Variants in TFPI observed in about 807,000 individuals in gnomAD.
The protein encoded by TFPI is anti-convertin.
A neutral mutation model predicts 34.6 loss-of-function variants in TFPI; 15 were observed. That is an observed-to-expected ratio of 0.43 (90% CI 0.29 to 0.67). The LOEUF is 0.67. Ranked by LOEUF, TFPI falls within the 30% of genes least tolerant of loss-of-function variation. TFPI has a pLI of 0.15. For synonymous variants in TFPI, 105 were observed against 120.1 expected (o/e 0.87, Z 0.82); for missense variants, 301 against 364.0 (o/e 0.83, Z 1.41).
chr2:187,538,401 A>T (rs1478321603), intron 1 of TFPI, among the ~76,000 whole-genome samples: 1 of 152,244 alleles, frequency 6.6e-6, no homozygotes, highest in African/African-American at 2.4e-5. Flanking sequence ...AATACTATAC[A>T]GCCATAAAAA....
chr2:187,552,191 T>TACCTTAAA, intron 1 of TFPI, among the ~76,000 whole-genome samples: 1 of 152,082 alleles, frequency 6.6e-6, no homozygotes, highest in South Asian at 2.1e-4. Context: ...AGTTGAAAGA[T>TACCTTAAA]ACCTTAAAAT....
intron 4 of TFPI, 59 bp from the exon 5 acceptor site, chr2:187,485,046 T>G: frequency 8.0e-7 from 1 of 1,243,586 alleles, no homozygotes; most frequent in Non-Finnish European, 1.0e-6. Context: ...ATTACTGATT[T>G]TAATAAAATT....
chr2:187,538,606 G>A (rs929685137), intron 1 of TFPI, among the ~76,000 whole-genome samples: 13 of 152,142 alleles, frequency 8.5e-5, no homozygotes, highest in Non-Finnish European at 1.0e-4. Context: ...GACTAGGGGA[G>A]GGATAGCATT....
At chr2:187,512,360 G>GA (rs1287949524) in intron 1 of TFPI, among the ~76,000 whole-genome samples, 3 of 146,592 alleles carry the variant, frequency 2.0e-5, no homozygotes, top group Admixed American at 6.8e-5. Flanking sequence ...AGAAAAAAAA[G>GA]AAAAAAGATG....
intron 3 of TFPI, among the ~76,000 whole-genome samples, chr2:187,494,821 TA>T (rs1461688446): frequency 2.0e-5 from 3 of 152,116 alleles, no homozygotes; most frequent in Non-Finnish European, 4.4e-5. Context: ...CTCCTGGTTT[TA>T]AGCAATTCTC....
At chr2:187,530,821 A>C (rs1280328415) in intron 1 of TFPI, among the ~76,000 whole-genome samples, 1 of 152,202 alleles carries the variant, frequency 6.6e-6, no homozygotes, top group Non-Finnish European at 1.5e-5. Flanking sequence ...AAATTCGGTA[A>C]AAATTGTTTT....
chr2:187,479,214 A>G (rs1477310726), intron 6 of TFPI, among the ~76,000 whole-genome samples: 2 of 152,088 alleles, frequency 1.3e-5, no homozygotes, highest in Non-Finnish European at 2.9e-5. Flanking sequence ...AAATATCTGC[A>G]ATAGATAGAG....
At chr2:187,476,938 T>TC (rs1692416587) in intron 6 of TFPI, among the ~76,000 whole-genome samples, 1 of 152,230 alleles carries the variant, frequency 6.6e-6, no homozygotes. Flanking sequence ...TCATAATGAA[T>TC]TTATTCCTAC....
In TFPI at chr2:187,546,586, G is replaced by A. The variant is rs548490111; in HGVS notation, c.-3+7614C>T. The stretch of plus-strand genomic sequence containing the variant: ...AATACAATGAATTTTTGGCATGAGA[G>A]GAAAAAAAAAGAATAATATATTAAA... On this transcript the variant is annotated intron_variant, in intron 1 of 7. Coordinates refer to ENST00000233156, the MANE Select transcript of TFPI (RefSeq NM_006287.6). 1.3e-4 allele frequency: 20 copies of A among 150,066 alleles called. No individual in the cohort carries two copies. The East Asian group carries it at 3.3e-3, about 25-fold the overall frequency. 9.3% of individuals were successfully genotyped at this position (150,066 alleles called of 1,614,324 possible).
At chr2:187,471,157 G>A (rs1413192625) in intron 6 of TFPI, among the ~76,000 whole-genome samples, 2 of 152,062 alleles carry the variant, frequency 1.3e-5, no homozygotes, top group African/African-American at 2.4e-5. Context: ...ATTATAAGGC[G>A]GTTATTCTTC....
At chr2:187,530,532 G>T (rs1457066641) in intron 1 of TFPI, among the ~76,000 whole-genome samples, 1 of 152,158 alleles carries the variant, frequency 6.6e-6, no homozygotes, top group Non-Finnish European at 1.5e-5. Flanking sequence ...ATCGTCCCCT[G>T]ACTTAATCAC....
At chr2:187,545,482 A>G (rs1048681888) in intron 1 of TFPI, among the ~76,000 whole-genome samples, 4 of 152,282 alleles carry the variant, frequency 2.6e-5, no homozygotes, top group African/African-American at 7.2e-5. Flanking sequence ...ACTGAAGCTC[A>G]GGAAATTGAT....
At chr2:187,507,377 G>A (rs187816316) in intron 1 of TFPI, among the ~76,000 whole-genome samples, 109 of 152,196 alleles carry the variant, frequency 7.2e-4, no homozygotes, top group Non-Finnish European at 1.3e-3. Flanking sequence ...GTGTGAAAGC[G>A]TCTTTATGTA....
At chr2:187,522,081 G>C (rs769984097) in intron 1 of TFPI, among the ~76,000 whole-genome samples, 111 of 151,944 alleles carry the variant, frequency 7.3e-4, no homozygotes, top group Non-Finnish European at 1.2e-3. Context: ...AAAAATTTCT[G>C]CTATTGAGTT....
intron 1 of TFPI, among the ~76,000 whole-genome samples, chr2:187,553,653 C>A (rs1370974786): frequency 6.6e-6 from 1 of 151,970 alleles, no homozygotes; most frequent in Non-Finnish European, 1.5e-5. Flanking sequence ...GACCTTTGGT[C>A]TTTGGAGAAT....
At chr2:187,528,067 G>A (rs1687768139) in intron 1 of TFPI, among the ~76,000 whole-genome samples, 1 of 151,926 alleles carries the variant, frequency 6.6e-6, no homozygotes, top group Non-Finnish European at 1.5e-5. Flanking sequence ...TTGATTCAGT[G>A]AGTTGCCTAA....
In TFPI at chr2:187,538,325, G is replaced by A. The variant is rs552933178; in HGVS notation, c.-3+15875C>T. The stretch of plus-strand genomic sequence containing the variant: ...GCACTATTCACAGTAGCAAAGACTT[G>A]GAACCAACCCAAATGCCTGACAATG... On this transcript the variant is annotated intron_variant, in intron 1 of 7. Transcript: ENST00000233156. Among the ~76,000 whole-genome samples the A allele has an allele frequency of 2.0e-5, 3 of 152,272 alleles. No individual in the cohort carries two copies. In the East Asian group the frequency reaches 5.8e-4, roughly 29 times the overall value.
chr2:187,512,711 A>T (rs1425845962), intron 1 of TFPI, among the ~76,000 whole-genome samples: 1 of 152,170 alleles, frequency 6.6e-6, no homozygotes, highest in Non-Finnish European at 1.5e-5. Flanking sequence ...TAGTCCACAG[A>T]CATAAAGGAA....
In TFPI at chr2:187,477,091, G is replaced by A. The variant is rs1215885265; in HGVS notation, c.628+7033C>T. ...CTTCTCTGGAGGACTTTTATGACTG[G>A]GGCAACAAATTATCTTGTGTTAAGA... On this transcript the variant is annotated intron_variant, in intron 6 of 7. Transcript: ENST00000233156. 4.6e-5 allele frequency among the ~76,000 whole-genome samples: 7 copies of A among 151,978 alleles called. No individual in the cohort carries two copies. In the South Asian group the frequency reaches 1.0e-3, roughly 23 times the overall value.
Sources: allele counts gnomAD v4.1 joint callset (sites outside exome capture counted in the v4.1 genomes callset), GRCh38; gene constraint gnomAD v4.1.1; transcripts MANE v1.5; gene names NCBI Gene and HGNC (gene_info 2026-07-23, HGNC 2026-07-21).